SRGAP1: variants seen among roughly 807,000 people sequenced by gnomAD.
SRGAP1 encodes the protein SLIT-ROBO Rho GTPase activating protein 1.
Under a neutral mutation model 121.9 loss-of-function variants are expected in SRGAP1, and 43 were observed. The observed-to-expected ratio is 0.35, with a 90% CI of 0.28 to 0.46. SRGAP1 has a LOEUF of 0.46. SRGAP1 is among the 20% of genes least tolerant of loss of function. The pLI is 1.00. For missense variants in SRGAP1, 1,102 were observed against 1,350.9 expected (o/e 0.82, Z 2.89); for synonymous variants, 447 against 485.4 (o/e 0.92, Z 1.04).
intron 1 of SRGAP1, among the ~76,000 whole-genome samples, chr12:63,888,962 T>C (rs1900484483): frequency 6.6e-6 from 1 of 151,784 alleles, no homozygotes; most frequent in Admixed American, 6.6e-5. Flanking sequence ...GTGGAGAGGG[T>C]CGATGAGGGT....
In SRGAP1 at chr12:64,045,437, AT is replaced by A. The variant is rs1223700896; in HGVS notation, c.801+1876del. On this transcript the variant is annotated intron_variant, in intron 6 of 21. Coordinates refer to ENST00000355086, the MANE Select transcript of SRGAP1 (RefSeq NM_020762.4). ...GGAGTACTTGGCTAAATCCAAACCAATTTTTTTTTTTTTTCTGAGATGGAGT... is the reference window on the plus strand; with the variant it reads ...GGAGTACTTGGCTAAATCCAAACCAATTTTTTTTTTTTTCTGAGATGGAGT... Among the ~76,000 whole-genome samples the A allele has an allele frequency of 6.0e-3, 854 of 143,422 alleles. 7 individuals are homozygous for A. Among genetic ancestry groups the A allele is most frequent in the African/African-American group, 0.018 (719 of 39,204 alleles). 94.1% of individuals were successfully genotyped at this position (143,422 alleles called of 152,430 possible).
chr12:63,973,560 C>A (rs1249389762), intron 1 of SRGAP1, among the ~76,000 whole-genome samples: 2 of 152,100 alleles, frequency 1.3e-5, no homozygotes, highest in East Asian at 1.9e-4. Flanking sequence ...CTGAAAACAT[C>A]ATAGGAAATC....
At chr12:63,946,376 C>G (rs1201657682) in intron 1 of SRGAP1, among the ~76,000 whole-genome samples, 1 of 149,954 alleles carries the variant, frequency 6.7e-6, no homozygotes, top group Non-Finnish European at 1.5e-5. Context: ...TGAGTTTTGA[C>G]ATATGTACGA....
At chr12:63,894,275 C>T (rs1352157715) in intron 1 of SRGAP1, among the ~76,000 whole-genome samples, 1 of 152,022 alleles carries the variant, frequency 6.6e-6, no homozygotes, top group African/African-American at 2.4e-5. Context: ...TTCAGTAAGA[C>T]CGTTTCATCA....
chr12:63,927,419 A>G (rs906806699), intron 1 of SRGAP1, among the ~76,000 whole-genome samples: 3 of 152,194 alleles, frequency 2.0e-5, no homozygotes, highest in East Asian at 1.9e-4. Context: ...GTGGCCGACC[A>G]TCAGGCCAGC....
intron 1 of SRGAP1, among the ~76,000 whole-genome samples, chr12:63,914,592 G>A (rs2030696574): frequency 6.6e-6 from 1 of 152,132 alleles, no homozygotes; most frequent in African/African-American, 2.4e-5. Context: ...CCAATAAAAA[G>A]TCCTTGTATC....
At chr12:63,999,557 G>T (rs1246534252) in intron 3 of SRGAP1, among the ~76,000 whole-genome samples, 13 of 152,124 alleles carry the variant, frequency 8.5e-5, no homozygotes, top group Non-Finnish European at 1.6e-4. Context: ...TGGCTGGGTG[G>T]GAGAGAAGAG....
intron 1 of SRGAP1, among the ~76,000 whole-genome samples, chr12:63,925,584 G>A (rs980532347): frequency 3.9e-5 from 6 of 152,128 alleles, no homozygotes; most frequent in Non-Finnish European, 7.3e-5. Flanking sequence ...TTGAGAATTT[G>A]CATATGTTAC....
At chr12:63,965,136 A>G (rs2032755763) in intron 1 of SRGAP1, among the ~76,000 whole-genome samples, 2 of 152,198 alleles carry the variant, frequency 1.3e-5, no homozygotes, top group South Asian at 2.1e-4. Flanking sequence ...TAAGGATTCA[A>G]GGTAAGCTAA....
At chr12:64,054,447 CT>C (rs1449496023) in intron 6 of SRGAP1, among the ~76,000 whole-genome samples, 2 of 152,116 alleles carry the variant, frequency 1.3e-5, no homozygotes, top group African/African-American at 4.8e-5. Context: ...TAAAAAGCAA[CT>C]TATTCAGAGT....
chr12:64,030,078 C>T (rs564791913), intron 4 of SRGAP1, among the ~76,000 whole-genome samples: 27 of 152,118 alleles, frequency 1.8e-4, no homozygotes, highest in Admixed American at 1.7e-3. Context: ...TATTTCATGT[C>T]GAAATCTCTG....
At chr12:63,916,149 C>T (rs150192993) in intron 1 of SRGAP1, among the ~76,000 whole-genome samples, 4 of 151,220 alleles carry the variant, frequency 2.6e-5, no homozygotes, top group African/African-American at 9.7e-5. Context: ...CCTCCCACCT[C>T]ACCCTCTCGA....
intron 1 of SRGAP1, among the ~76,000 whole-genome samples, chr12:63,895,098 T>C (rs1435946608): frequency 6.6e-6 from 1 of 152,202 alleles, no homozygotes; most frequent in Non-Finnish European, 1.5e-5. Context: ...CCATCAACAA[T>C]GTAAAAGTGT....
intron 3 of SRGAP1, among the ~76,000 whole-genome samples, chr12:64,005,050 G>T (rs1275251222): frequency 1.3e-5 from 2 of 152,110 alleles, no homozygotes; most frequent in Non-Finnish European, 2.9e-5. Flanking sequence ...ACCGAATATG[G>T]CTGTCAGATT....
chr12:63,939,890 C>T (rs144877153), intron 1 of SRGAP1, among the ~76,000 whole-genome samples: 1 of 152,186 alleles, frequency 6.6e-6, no homozygotes, highest in Non-Finnish European at 1.5e-5. Flanking sequence ...CTCTCAAGTC[C>T]AGTGAGTGTG....
chr12:64,152,496 A>AGTT lies in SRGAP1; in HGVS notation c.*9824_*9825insGTT, dbSNP rs2037129321. On this transcript the variant is annotated 3_prime_UTR_variant, in exon 22 of 22. Coordinates refer to ENST00000355086, the MANE Select transcript of SRGAP1 (RefSeq NM_020762.4). Reference sequence around the variant, plus strand: ...CTTCAAGCCTAATGCATCACTAACTAAATAGCAAATCGGCGGAACTGAAAT... The same window carrying AGTT: ...CTTCAAGCCTAATGCATCACTAACTAGTTAATAGCAAATCGGCGGAACTGAAAT... 3 of 152,204 alleles carry AGTT rather than the reference A, an allele frequency of 2.0e-5. No homozygotes were observed. Among genetic ancestry groups the AGTT allele is most frequent in the Admixed American group, 6.5e-5 (1 of 15,286 alleles). The allele number at this position is 152,204 out of a possible 1,614,324, so 9.4% of individuals were successfully genotyped here.
rs566737112 is a variant in SRGAP1, at chr12:63,927,272, A to G, written c.68-56675A>G. Among the ~76,000 whole-genome samples the G allele has an allele frequency of 7.9e-5, 12 of 152,194 alleles. No homozygotes were observed. In the East Asian group the frequency reaches 2.1e-3, roughly 27 times the overall value. ...GCTTTGTAAGCACCTGCCTACCCCT[A>G]CTACACCTCAAACTTTACAAGTGCA... On this transcript the variant is annotated intron_variant, in intron 1 of 21. Coordinates refer to ENST00000355086, the MANE Select transcript of SRGAP1 (RefSeq NM_020762.4).
intron 1 of SRGAP1, among the ~76,000 whole-genome samples, chr12:63,861,255 T>C (rs1166492150): frequency 6.7e-6 from 1 of 150,168 alleles, no homozygotes; most frequent in Non-Finnish European, 1.5e-5. Context: ...TCAAGCAATC[T>C]GCCCAGCTTA....
At chr12:64,077,294 A>ATT (rs1223753876) in intron 8 of SRGAP1, among the ~76,000 whole-genome samples, 3 of 152,032 alleles carry the variant, frequency 2.0e-5, no homozygotes, top group Non-Finnish European at 4.4e-5. Context: ...TATTTAGTAA[A>ATT]TGAAGGTGAA....
Sources: allele counts gnomAD v4.1 joint callset (sites outside exome capture counted in the v4.1 genomes callset), GRCh38; gene constraint gnomAD v4.1.1; transcripts MANE v1.5; gene names NCBI Gene and HGNC (gene_info 2026-07-23, HGNC 2026-07-21).